The following GRIK4 variants were observed in gnomAD, a reference collection of about 807,000 sequenced individuals.
The protein encoded by GRIK4 is glutamate ionotropic receptor kainate type subunit 4, also known as glutamate receptor ionotropic, kainate 4.
Under a neutral mutation model 104.9 loss-of-function variants are expected in GRIK4, and 40 were observed. The ratio of observed to expected loss-of-function variants is 0.38; its 90% CI spans 0.30 to 0.50. The LOEUF (loss-of-function observed/expected upper bound fraction) is 0.50, where lower values mean the gene tolerates loss of function less well. Among genes scored for constraint, GRIK4 ranks in the 20% least tolerant of loss-of-function variants. The probability of loss-of-function intolerance (pLI) is 0.93; values close to 1 mark genes in which losing one functional copy is unlikely to be tolerated. For synonymous variants in GRIK4, 485 were observed against 524.9 expected, an observed-to-expected ratio of 0.92 and a Z score of 1.04; for missense variants, 1,047 against 1,308.1, an observed-to-expected ratio of 0.80 and a Z score of 3.08.
chr11:120,782,800 G>A (rs558023886), intron 3 of GRIK4, among the ~76,000 whole-genome samples: 202 of 152,160 alleles, frequency 1.3e-3, no homozygotes, highest in African/African-American at 4.7e-3. Context: ...TCTAAGCTGG[G>A]GGCAATTTCT....
At chr11:120,912,955 G>C (rs1330896189) in intron 13 of GRIK4, among the ~76,000 whole-genome samples, 2 of 152,166 alleles carry the variant, frequency 1.3e-5, no homozygotes, top group African/African-American at 4.8e-5. Context: ...GCTGGTATCT[G>C]GGAACCAGCA....
In GRIK4 at chr11:120,985,894, T is replaced by C; in HGVS notation, c.2515-10T>C. 1 of 1,551,042 alleles carries C rather than the reference T, an allele frequency of 6.4e-7. No individual in the cohort carries two copies. The highest frequency in any genetic ancestry group is 2.4e-5 in the East Asian group (1 of 40,964). On this transcript the variant is annotated splice_polypyrimidine_tract_variant and intron_variant, in intron 20 of 20. Transcript: ENST00000527524. Reference sequence around the variant, plus strand: ...GAGAGGCTGGGCCCTGACCTCGCTGTCTCCTCCAGGTGTCCGTCTGCCAGG... The same window carrying C: ...GAGAGGCTGGGCCCTGACCTCGCTGCCTCCTCCAGGTGTCCGTCTGCCAGG...
intron 1 of GRIK4, among the ~76,000 whole-genome samples, chr11:120,624,616 C>A (rs1949232413): frequency 6.6e-6 from 1 of 152,176 alleles, no homozygotes; most frequent in Admixed American, 6.5e-5. Flanking sequence ...CTCTGCAAGA[C>A]ACAATTGCAA....
At chr11:120,880,918 T>A (rs867767648) in intron 11 of GRIK4, among the ~76,000 whole-genome samples, 1 of 152,222 alleles carries the variant, frequency 6.6e-6, no homozygotes, top group Non-Finnish European at 1.5e-5. Context: ...GAATGTAAGA[T>A]TCATGAATCA....
chr11:120,894,043 A>G (rs1836861282), intron 11 of GRIK4, among the ~76,000 whole-genome samples: 1 of 152,188 alleles, frequency 6.6e-6, no homozygotes, highest in African/African-American at 2.4e-5. Flanking sequence ...TGCATTTCTA[A>G]TGCTGATACT....
intron 1 of GRIK4, among the ~76,000 whole-genome samples, chr11:120,577,633 G>A (rs575437588): frequency 2.0e-5 from 3 of 152,116 alleles, no homozygotes; most frequent in Non-Finnish European, 4.4e-5. Flanking sequence ...AATTTAGAGA[G>A]CCAGGGGATC....
intron 12 of GRIK4, among the ~76,000 whole-genome samples, chr11:120,900,763 C>G (rs6589850): frequency 0.68 from 103,701 of 151,992 alleles, 36,341 homozygotes; most frequent in African/African-American, 0.74. Context: ...TCGAAGCAAG[C>G]ACTGAGAGAG....
intron 3 of GRIK4, among the ~76,000 whole-genome samples, chr11:120,731,325 G>A (rs191522808): frequency 5.9e-4 from 89 of 151,738 alleles, no homozygotes; most frequent in Non-Finnish European, 1.2e-3. Context: ...CAATTGAAAT[G>A]ATCATATGGT....
intron 1 of GRIK4, among the ~76,000 whole-genome samples, chr11:120,583,844 A>C: frequency 6.6e-6 from 1 of 152,224 alleles, no homozygotes; most frequent in South Asian, 2.1e-4. Flanking sequence ...TCTATTCATG[A>C]ACATGGAATG....
chr11:120,983,533 C>T (rs1944687491), intron 20 of GRIK4, among the ~76,000 whole-genome samples: 1 of 152,216 alleles, frequency 6.6e-6, no homozygotes, highest in African/African-American at 2.4e-5. Context: ...TCTTCCCTTG[C>T]CTTGCGTGGC....
At chr11:120,666,246 C>A (rs1390383970) in intron 3 of GRIK4, among the ~76,000 whole-genome samples, 1 of 152,198 alleles carries the variant, frequency 6.6e-6, no homozygotes, top group African/African-American at 2.4e-5. Context: ...GGAGAGGAGC[C>A]TGAGTCTCCC....
intron 1 of GRIK4, among the ~76,000 whole-genome samples, chr11:120,546,968 G>T (rs190600370): frequency 6.6e-6 from 1 of 152,250 alleles, no homozygotes. Context: ...AGGTCGGGGG[G>T]TTGGCATTGC....
intron 8 of GRIK4, among the ~76,000 whole-genome samples, chr11:120,840,632 C>T (rs1411577129): frequency 1.3e-5 from 2 of 152,040 alleles, no homozygotes; most frequent in East Asian, 3.9e-4. Context: ...GGTCAAAAGT[C>T]CAGGCCAAAG....
At chr11:120,688,771 A>G (rs6589832) in intron 3 of GRIK4, among the ~76,000 whole-genome samples, 89,333 of 152,002 alleles carry the variant, frequency 0.59, 28,150 homozygotes, top group African/African-American at 0.83. Flanking sequence ...GAAGTAGAGC[A>G]ATGGGGGTCA....
chr11:120,575,648 C>T (rs750045553), intron 1 of GRIK4, among the ~76,000 whole-genome samples: 1 of 152,078 alleles, frequency 6.6e-6, no homozygotes, highest in African/African-American at 2.4e-5. Flanking sequence ...GACTCCTGCT[C>T]TTGCCCCATT....
chr11:120,905,679 C>T lies in GRIK4; in HGVS notation c.1476+186C>T, dbSNP rs1262848820. Among the ~76,000 whole-genome samples the T allele has an allele frequency of 6.6e-6, 1 of 152,192 alleles. No individual in the cohort carries two copies. On this transcript the variant is annotated intron_variant, in intron 13 of 20. Coordinates refer to ENST00000527524, the MANE Select transcript of GRIK4 (RefSeq NM_014619.5). The surrounding 1 kb of genome is among the most constrained non-coding windows in gnomAD (Gnocchi z 5.1). ...GCACAGACGTGCGGTGGTGGATAAG[C>T]CTGCAATGATCCCTATCCCGTGGCT...
intron 11 of GRIK4, among the ~76,000 whole-genome samples, chr11:120,877,844 C>A (rs945806701): frequency 4.6e-5 from 7 of 152,202 alleles, no homozygotes; most frequent in Non-Finnish European, 1.0e-4. Context: ...CCCCTTAGAC[C>A]TCAGTCCTGC....
chr11:120,875,543 C>G (rs956506029), intron 11 of GRIK4, among the ~76,000 whole-genome samples: 6 of 152,150 alleles, frequency 3.9e-5, no homozygotes, highest in Non-Finnish European at 4.4e-5. Context: ...ATGAGTCTGA[C>G]CCTAATCCTG....
chr11:120,699,584 C>A (rs992716189), intron 3 of GRIK4, among the ~76,000 whole-genome samples: 8 of 142,092 alleles, frequency 5.6e-5, no homozygotes, highest in African/African-American at 2.1e-4. Flanking sequence ...TGTGTGTGTA[C>A]CCATATAGTC....
Sources: allele counts gnomAD v4.1 joint callset (sites outside exome capture counted in the v4.1 genomes callset), GRCh38; gene constraint gnomAD v4.1.1; non-coding constraint Gnocchi (gnomAD v3.1); transcripts MANE v1.5; gene names NCBI Gene and HGNC (gene_info 2026-07-23, HGNC 2026-07-21).